The following LPXN variants were observed in gnomAD, a reference collection of about 807,000 sequenced individuals.
The protein encoded by LPXN is leupaxin.
Under a neutral mutation model 45.6 loss-of-function variants are expected in LPXN, and 28 were observed. That is an observed-to-expected ratio of 0.61 (90% CI 0.45 to 0.84). The LOEUF is 0.84. Ranked by LOEUF, LPXN falls within the 40% of genes least tolerant of loss-of-function variation. The pLI, the probability that LPXN is intolerant of heterozygous loss-of-function variation, is 0.00. For synonymous variants in LPXN, 166 were observed against 169.9 expected (o/e 0.98, Z 0.18); for missense variants, 459 against 475.0 (o/e 0.97, Z 0.31).
intron 1 of LPXN, among the ~76,000 whole-genome samples, chr11:58,573,115 CAT>C (rs1854759463): frequency 6.6e-6 from 1 of 151,836 alleles, no homozygotes; most frequent in African/African-American, 2.4e-5. Context: ...CATGGCGGCA[CAT>C]GTCTGCAATC....
At chr11:58,567,995 AT>A (rs1282632942) in intron 2 of LPXN, among the ~76,000 whole-genome samples, 3 of 152,238 alleles carry the variant, frequency 2.0e-5, no homozygotes, top group Non-Finnish European at 2.9e-5. Flanking sequence ...CATAATTTGT[AT>A]GACATTAAGC....
chr11:58,567,275 T>G (rs1854553068), intron 2 of LPXN, among the ~76,000 whole-genome samples: 1 of 152,218 alleles, frequency 6.6e-6, no homozygotes, highest in South Asian at 2.1e-4. Flanking sequence ...TTCAACTAAA[T>G]TTACAGTGGC....
intron 7 of LPXN, among the ~76,000 whole-genome samples, chr11:58,541,409 C>T (rs1036766634): frequency 4.6e-5 from 7 of 152,270 alleles, no homozygotes; most frequent in African/African-American, 1.7e-4. Context: ...CAAAAGAAGA[C>T]ATTTATGCAG....
At position 58,549,957 on chromosome 11, in the gene LPXN, G is replaced by C. The variant is rs1313822549; in HGVS notation, c.660+16C>G. On this transcript the variant is annotated intron_variant, in intron 6 of 8. Coordinates refer to ENST00000395074, the MANE Select transcript of LPXN (RefSeq NM_004811.3). ...GTGAGTGACTGAAAGCTGGAGAGGA[G>C]CGGGGATTTACTTACATCCAGGATG... 4 of 1,614,048 alleles carry C rather than the reference G, an allele frequency of 2.5e-6. No homozygotes were observed. The highest frequency in any genetic ancestry group is 1.1e-5 in the South Asian group (1 of 91,084).
chr11:58,575,764 C>T lies in LPXN; in HGVS notation c.9G>A (p.Glu3=). 6.2e-7 allele frequency: 1 copy of T among 1,614,260 alleles called. No individual in the cohort carries two copies. The highest frequency in any genetic ancestry group is 8.5e-7 in the Non-Finnish European group (1 of 1,180,044). ...CTCCTCAGGCTCCTCACTCACCTAA[C>T]TCTTCCATTGTCCTACATCCAAGAT... ME[E]LDALLEELER... Residue 3 remains glutamate (E), a synonymous_variant, in exon 1 of 9, where the codon GAG becomes GAA. Transcript: ENST00000395074.
At chr11:58,549,761 T>C (rs1377669571) in intron 7 of LPXN, 25 bp downstream of exon 7, 2 of 1,609,938 alleles carry the variant, frequency 1.2e-6, no homozygotes, top group Non-Finnish European at 1.7e-6. Flanking sequence ...GGGTGTGGGA[T>C]ACAGCCTCTC....
intron 7 of LPXN, among the ~76,000 whole-genome samples, chr11:58,549,093 A>G (rs1387322942): frequency 1.3e-5 from 2 of 152,204 alleles, no homozygotes; most frequent in Admixed American, 1.3e-4. Flanking sequence ...ATATAAAGTT[A>G]TTATTTAAAA....
chr11:58,577,599 C>T (rs151039611), upstream of LPXN, among the ~76,000 whole-genome samples: 1 of 152,196 alleles, frequency 6.6e-6, no homozygotes, highest in East Asian at 1.9e-4. Context: ...ACTGCATCAC[C>T]AACTGCAACG....
chr11:58,578,074 G>A (rs1742378328), upstream of LPXN: 1 of 1,549,564 alleles, frequency 6.5e-7, no homozygotes, highest in East Asian at 2.5e-5. Context: ...TCCCAGAGGA[G>A]GTGTCATCTG....
At chr11:58,575,616 T>C (rs7933361) in intron 1 of LPXN, 144 bp downstream of exon 1, 3 of 953,970 alleles carry the variant, frequency 3.1e-6, no homozygotes, top group Non-Finnish European at 5.1e-6. Flanking sequence ...TGCTTCACTC[T>C]TGGCAGGGCT....
In LPXN at chr11:58,575,754, A is replaced by T; in HGVS notation, c.13+6T>A. On this transcript the variant is annotated splice_donor_region_variant and intron_variant, in intron 1 of 8. Coordinates refer to ENST00000395074, the MANE Select transcript of LPXN (RefSeq NM_004811.3). ...CTCAGAGTTTCTCCTCAGGCTCCTCACTCACCTAACTCTTCCATTGTCCTA... is the reference window on the plus strand; with the variant it reads ...CTCAGAGTTTCTCCTCAGGCTCCTCTCTCACCTAACTCTTCCATTGTCCTA... 1.2e-6 allele frequency: 2 copies of T among 1,614,036 alleles called. No individual in the cohort carries two copies. The highest frequency in any genetic ancestry group is 1.3e-5 in the African/African-American group (1 of 74,994).
chr11:58,539,668 A>T lies in LPXN; in HGVS notation c.742+10118T>A, dbSNP rs574524317. ...CTCCATGAGTTCATAATGATTTTTT[A>T]AAAATAAAAATTTATTAGTCTCCAC... On this transcript the variant is annotated intron_variant, in intron 7 of 8. Coordinates refer to ENST00000395074, the MANE Select transcript of LPXN (RefSeq NM_004811.3). 1.5e-3 allele frequency among the ~76,000 whole-genome samples: 226 copies of T among 152,322 alleles called. 3 individuals carry two copies. Among genetic ancestry groups the T allele is most frequent in the South Asian group, 5.4e-3 (26 of 4,828 alleles).
chr11:58,568,182 T>C (rs746125236), intron 2 of LPXN, among the ~76,000 whole-genome samples: 5 of 152,202 alleles, frequency 3.3e-5, no homozygotes, highest in Non-Finnish European at 7.3e-5. Flanking sequence ...GTGCTTGAGC[T>C]CTTAGCTTTA....
At chr11:58,578,271 T>C (rs1047285606), upstream of LPXN, 4 of 507,944 alleles carry the variant, frequency 7.9e-6, no homozygotes, top group Admixed American at 7.0e-5. Context: ...GAAAAAAAGG[T>C]AAACTCTAGA....
At chr11:58,576,174 TTTTC>T (rs1565209175), upstream of LPXN, among the ~76,000 whole-genome samples, 1 of 151,350 alleles carries the variant, frequency 6.6e-6, no homozygotes, top group Non-Finnish European at 1.5e-5. Context: ...CATCTTTCTT[TTTTC>T]TTTTTTTTTT....
chr11:58,558,697 C>T (rs1226806685), intron 3 of LPXN, among the ~76,000 whole-genome samples: 5 of 151,760 alleles, frequency 3.3e-5, no homozygotes, highest in Non-Finnish European at 7.4e-5. Context: ...TCATCCAAAA[C>T]AGACTATTCG....
chr11:58,551,122 G>A lies in LPXN; in HGVS notation c.429C>T (p.Gly143=). The A allele has an allele frequency of 1.9e-6, 3 of 1,609,780 alleles. No homozygotes were observed. Among genetic ancestry groups the A allele is most frequent in the Non-Finnish European group, 2.5e-6 (3 of 1,178,046 alleles). The change falls in exon 5 of 9, where the codon GGC becomes GGT. Residue 143 remains glycine, a synonymous_variant. Transcript: ENST00000395074. ...GGLEQELQDL[G]IATVPKGHCA... The stretch of plus-strand genomic sequence containing the variant: ...AATGGCCCTTGGGCACTGTGGCAAT[G>A]CCAAGGTCCTGCAATTCCTGCTCCA...
intron 5 of LPXN, 114 bp downstream of exon 5, chr11:58,550,951 T>C: frequency 2.1e-6 from 2 of 973,738 alleles, no homozygotes; most frequent in South Asian, 2.3e-5. Context: ...TGTAAGTGAT[T>C]AGTAATTATT....
In LPXN at chr11:58,534,361, G is replaced by A. The variant is rs902314347; in HGVS notation, c.743-6170C>T. ...AGTGCAATCAAATTAGAACTCAGGA[G>A]TAAGAAACTCTCTCAAAACCGCACA... is the stretch of plus-strand genomic sequence containing the variant. On this transcript the variant is annotated intron_variant, in intron 7 of 8. Coordinates refer to ENST00000395074, the MANE Select transcript of LPXN (RefSeq NM_004811.3). 3.3e-5 allele frequency among the ~76,000 whole-genome samples: 5 copies of A among 152,066 alleles called. 1 individual carries two copies. Among genetic ancestry groups the A allele is most frequent in the Admixed American group, 1.3e-4 (2 of 15,266 alleles).
Sources: allele counts gnomAD v4.1 joint callset (sites outside exome capture counted in the v4.1 genomes callset), GRCh38; gene constraint gnomAD v4.1.1; transcripts MANE v1.5; gene names NCBI Gene and HGNC (gene_info 2026-07-23, HGNC 2026-07-21).